DBF4B: variants seen among roughly 807,000 people sequenced by gnomAD.
The protein encoded by DBF4B is protein DBF4 homolog B.
In DBF4B, 49 loss-of-function variants were observed where a neutral mutation model predicts 53.4. The ratio of observed to expected loss-of-function variants is 0.92; its 90% CI spans 0.73 to 1.16. The LOEUF (loss-of-function observed/expected upper bound fraction) is 1.16. Ranked by LOEUF, DBF4B falls within the 50% of genes most tolerant of loss-of-function variation. The probability of loss-of-function intolerance (pLI) is 0.00; values close to 1 mark genes in which losing one functional copy is unlikely to be tolerated. For missense variants in DBF4B, 692 were observed against 775.0 expected (o/e 0.89, Z 1.27); for synonymous variants, 257 against 288.7 (o/e 0.89, Z 1.11).
At chr17:44,744,798 T>C (rs1159883419) in intron 10 of DBF4B, among the ~76,000 whole-genome samples, 1 of 152,154 alleles carries the variant, frequency 6.6e-6, no homozygotes, top group Non-Finnish European at 1.5e-5. Context: ...AGTATAATTA[T>C]AATTTTTGTT....
intron 2 of DBF4B, 126 bp downstream of exon 2, chr17:44,709,492 CA>C: frequency 9.4e-7 from 1 of 1,069,288 alleles, no homozygotes; most frequent in Non-Finnish European, 1.4e-6. Context: ...CTTATTTATT[CA>C]TTTTATTTAT....
intron 6 of DBF4B, among the ~76,000 whole-genome samples, chr17:44,733,367 G>A (rs1415517446): frequency 2.0e-5 from 3 of 152,166 alleles, no homozygotes; most frequent in Non-Finnish European, 4.4e-5. Context: ...TGTAAATTTT[G>A]TGCTCCTTCT....
At chr17:44,714,508 G>A (rs756841971) in intron 2 of DBF4B, among the ~76,000 whole-genome samples, 4 of 151,772 alleles carry the variant, frequency 2.6e-5, no homozygotes, top group Non-Finnish European at 2.9e-5. Context: ...CAAGTAAGAG[G>A]TATCCTTCAT....
At chr17:44,714,695 A>T (rs977483971) in intron 2 of DBF4B, among the ~76,000 whole-genome samples, 1 of 151,944 alleles carries the variant, frequency 6.6e-6, no homozygotes, top group Non-Finnish European at 1.5e-5. Context: ...TTCTATTGCT[A>T]TTATTGTCAA....
chr17:44,717,684 G>A (rs1248983840), intron 2 of DBF4B, among the ~76,000 whole-genome samples: 3 of 148,862 alleles, frequency 2.0e-5, no homozygotes, highest in African/African-American at 5.0e-5. Flanking sequence ...ACTCTAGCCT[G>A]GGTACAAAGC....
At position 44,719,858 on chromosome 17, in the gene DBF4B, CAT is replaced by C. The variant is rs113511596; in HGVS notation, c.83-3021_83-3020del. ...GGAAAGCTTTGATTTTTTTCTAAAA[CAT>C]GTGAGTCCACAGCTTTCTGATAAGT... On this transcript the variant is annotated intron_variant, in intron 2 of 13. Coordinates refer to ENST00000315005, the MANE Select transcript of DBF4B (RefSeq NM_145663.3). 38 of 220,178 alleles carry C rather than the reference CAT, an allele frequency of 1.7e-4. 1 individual carries two copies. The highest frequency in any genetic ancestry group is 6.8e-4 in the African/African-American group (29 of 42,402). 13.6% of individuals were successfully genotyped at this position (220,178 alleles called of 1,614,324 possible). A position where few individuals can be genotyped will look rare whatever the true frequency, so the allele number is the denominator to read the frequency against.
intron 2 of DBF4B, among the ~76,000 whole-genome samples, chr17:44,719,358 C>T (rs1973621846): frequency 6.6e-6 from 1 of 151,974 alleles, no homozygotes; most frequent in African/African-American, 2.4e-5. Flanking sequence ...TTAGTATGTT[C>T]ACAGAATTGG....
chr17:44,735,307 A>G (rs1975278909), intron 7 of DBF4B, among the ~76,000 whole-genome samples: 1 of 152,162 alleles, frequency 6.6e-6, no homozygotes. Context: ...CTAGGACTCT[A>G]TGCACATAGA....
rs1238692948 is a variant in DBF4B, at chr17:44,748,325, G to A, written c.1065-16G>A. ...GAAGTTGAAACCTGCAGCTCACAGT[G>A]TTTCTGTCCCAACAGGTGGTCAGGT... On this transcript the variant is annotated splice_polypyrimidine_tract_variant and intron_variant, in intron 12 of 13. Transcript: ENST00000315005. 12 of 1,579,974 alleles carry A rather than the reference G, an allele frequency of 7.6e-6. No individual in the cohort carries two copies. In the East Asian group the frequency reaches 1.1e-4, roughly 15 times the overall value.
At chr17:44,712,604 A>G (rs1242046277) in intron 2 of DBF4B, among the ~76,000 whole-genome samples, 2 of 151,206 alleles carry the variant, frequency 1.3e-5, no homozygotes, top group African/African-American at 4.9e-5. Flanking sequence ...ACGCCCAGCC[A>G]AATTTTTTGT....
In DBF4B at chr17:44,738,444, T is replaced by C; in HGVS notation, c.713+20T>C. ...AAGCAGGTGAGTGGGACCTCCTTTC[T>C]CTGCTTGCCCCAGCTAGGCCTGCAC... On this transcript the variant is annotated intron_variant, in intron 9 of 13. Transcript: ENST00000315005. The C allele has an allele frequency of 6.2e-7, 1 of 1,612,718 alleles. No homozygotes were observed. Among genetic ancestry groups the C allele is most frequent in the Non-Finnish European group, 8.5e-7 (1 of 1,179,048 alleles).
chr17:44,714,345 GA>G lies in DBF4B; in HGVS notation c.82+4981del, dbSNP rs1973149588. ...TGAAATAAATAATACTTTTGAAAAT[GA>G]AGTATAAGTTTGGGGAGCCCCACAG... On this transcript the variant is annotated intron_variant, in intron 2 of 13. Coordinates refer to ENST00000315005, the MANE Select transcript of DBF4B (RefSeq NM_145663.3). Among the ~76,000 whole-genome samples, 3 of 152,210 alleles carry G rather than the reference GA, an allele frequency of 2.0e-5. No individual in the cohort carries two copies. In the South Asian group the frequency reaches 6.2e-4, roughly 32 times the overall value.
chr17:44,745,855 G>A (rs1364354140), intron 10 of DBF4B, among the ~76,000 whole-genome samples: 2 of 152,018 alleles, frequency 1.3e-5, no homozygotes. Context: ...CGAGTTTGCT[G>A]GACAGCCAGA....
chr17:44,717,874 G>C (rs1973463783), intron 2 of DBF4B, among the ~76,000 whole-genome samples: 1 of 151,642 alleles, frequency 6.6e-6, no homozygotes. Context: ...AAATTCGCCA[G>C]GTATGGTGGT....
chr17:44,750,183 C>T (rs547283605), intron 13 of DBF4B: 5 of 1,000,974 alleles, frequency 5.0e-6, no homozygotes, highest in Non-Finnish European at 6.0e-6. Flanking sequence ...CAAGGACCTC[C>T]CCCCATTTCT....
At chr17:44,738,341 C>G in intron 8 of DBF4B, 38 bp from the exon 9 acceptor site, 1 of 1,605,456 alleles carries the variant, frequency 6.2e-7, no homozygotes, top group Non-Finnish European at 8.5e-7. Flanking sequence ...TGCACAGGGG[C>G]AGACAGATAG....
At chr17:44,739,538 G>T (rs1386499464) in intron 9 of DBF4B, among the ~76,000 whole-genome samples, 1 of 152,234 alleles carries the variant, frequency 6.6e-6, no homozygotes, top group East Asian at 1.9e-4. Flanking sequence ...TGGTACAGAG[G>T]TGCTGTCTTC....
chr17:44,749,448 A>T lies in DBF4B; in HGVS notation c.1189+983A>T, dbSNP rs976647633. On this transcript the variant is annotated intron_variant, in intron 13 of 13. Transcript: ENST00000315005. This position sits in a 1 kb window ranked among gnomAD's most constrained non-coding sequence, Gnocchi z 4.4. ...GACGCAGGAGGGGCAGAACCCCAGGACTTCCCCAAAAGAGCTAGAAGGAGG... is the reference window on the plus strand; with the variant it reads ...GACGCAGGAGGGGCAGAACCCCAGGTCTTCCCCAAAAGAGCTAGAAGGAGG... The T allele has an allele frequency of 3.3e-5, 43 of 1,289,284 alleles. No homozygotes were observed. The highest frequency in any genetic ancestry group is 4.2e-5 in the Non-Finnish European group (42 of 988,786). The allele number at this position is 1,289,284 out of a possible 1,614,324, so 79.9% of individuals were successfully genotyped here. A position where few individuals can be genotyped will look rare whatever the true frequency, so the allele number is the denominator to read the frequency against.
intron 10 of DBF4B, among the ~76,000 whole-genome samples, chr17:44,742,325 G>A (rs545105311): frequency 4.9e-4 from 74 of 150,456 alleles, no homozygotes; most frequent in African/African-American, 1.7e-3. Context: ...CAGGAGAATG[G>A]CTTGAACCCG....
Sources: allele counts gnomAD v4.1 joint callset (sites outside exome capture counted in the v4.1 genomes callset), GRCh38; gene constraint gnomAD v4.1.1; non-coding constraint Gnocchi (gnomAD v3.1); transcripts MANE v1.5; gene names NCBI Gene and HGNC (gene_info 2026-07-23, HGNC 2026-07-21).